The following CCNL2 variants were observed in gnomAD, a reference collection of about 807,000 sequenced individuals.
The protein encoded by CCNL2 is cyclin-L2.
Under a neutral mutation model 59.1 loss-of-function variants are expected in CCNL2, and 28 were observed. The ratio of observed to expected loss-of-function variants is 0.47; its 90% confidence interval spans 0.35 to 0.65. The LOEUF is 0.65. Ranked by LOEUF, CCNL2 falls within the 30% of genes least tolerant of loss-of-function variation. The pLI, the probability that CCNL2 is intolerant of heterozygous loss-of-function variation, is 0.00. For missense variants in CCNL2, 714 were observed against 717.4 expected, an observed-to-expected ratio of 1.00 and a Z score of 0.05; for synonymous variants, 342 against 288.6, an observed-to-expected ratio of 1.19 and a Z score of -1.88.
intron 5 of CCNL2, chr1:1,392,377 C>T (rs1165730064): frequency 8.4e-6 from 9 of 1,066,414 alleles, no homozygotes; most frequent in Non-Finnish European, 9.1e-6. Flanking sequence ...TTTACCAGAG[C>T]GTGTCATGCA....
At chr1:1,398,476 C>G in intron 2 of CCNL2, 121 bp downstream of exon 2, 10 of 1,570,034 alleles carry the variant, frequency 6.4e-6, no homozygotes, top group Non-Finnish European at 8.6e-6. Flanking sequence ...GAAACAGAAC[C>G]CTCCGGCACA....
intron 8 of CCNL2, among the ~76,000 whole-genome samples, chr1:1,389,663 G>A (rs1644657524): frequency 6.6e-6 from 1 of 152,046 alleles, no homozygotes; most frequent in East Asian, 1.9e-4. Context: ...AAAAGATAAA[G>A]AATTAGCTAA....
Position 1,386,934 on chromosome 1 carries a change from T to C in CCNL2, c.*297A>G. 2.8e-6 allele frequency: 1 copy of C among 357,016 alleles called. No homozygotes were observed. The highest frequency in any genetic ancestry group is 4.4e-5 in the East Asian group (1 of 22,968). The allele number at this position is 357,016 out of a possible 1,614,324, so 22.1% of individuals were successfully genotyped here. A position where few individuals can be genotyped will look rare whatever the true frequency, so the allele number is the denominator to read the frequency against. On this transcript the variant is annotated 3_prime_UTR_variant, in exon 11 of 11. Transcript: ENST00000400809. ...ATGCCAGGCCACGCCAACAAGGGCG[T>C]GTGCATTCACTTTTTCATTGAGCTG... is the stretch of plus-strand genomic sequence containing the variant.
intron 3 of CCNL2, among the ~76,000 whole-genome samples, chr1:1,397,597 GA>G (rs1157408352): frequency 6.6e-6 from 1 of 152,200 alleles, no homozygotes; most frequent in African/African-American, 2.4e-5. Flanking sequence ...TGCGGTGGCT[GA>G]AATCTGTAAT....
Position 1,387,478 on chromosome 1 carries a change from T to C in CCNL2, c.1316A>G (p.Lys439Arg). Residue 439 changes from lysine to arginine, a missense_variant, in exon 11 of 11, where the codon AAA (lysine) becomes AGA (arginine). Physicochemically the swap from Lys to Arg is conservative, Grantham distance 26. This residue lies in a region of CCNL2 where 403 missense variants were observed against 377.7 expected (regional missense o/e 1.07). Coordinates refer to ENST00000400809, the MANE Select transcript of CCNL2 (RefSeq NM_030937.6). ...CCGGGAGCCCCGAATCTCAGAGCCT[T>C]TGTAGGGAGCGCTGCGGGGGGCCTG... ...PRQAPRSAPY[K>R]GSEIRGSRKS... 6.2e-7 allele frequency: 1 copy of C among 1,610,002 alleles called. No homozygotes were observed. The highest frequency in any genetic ancestry group is 8.5e-7 in the Non-Finnish European group (1 of 1,178,366).
chr1:1,396,442 T>C (rs966773086), intron 3 of CCNL2, among the ~76,000 whole-genome samples: 7 of 151,572 alleles, frequency 4.6e-5, no homozygotes, highest in African/African-American at 1.7e-4. Context: ...AATTTTATAT[T>C]TGTAGTAGAG....
intron 4 of CCNL2, chr1:1,395,114 C>T: frequency 2.8e-6 from 1 of 353,988 alleles, no homozygotes; most frequent in Non-Finnish European, 5.1e-6. Context: ...AAAACATAAA[C>T]TAAAATTCAA....
Position 1,386,283 on chromosome 1 carries a change from G to A in CCNL2, c.*948C>T, listed in dbSNP as rs1181514875. ...AAAACTTCCCTCCTATGGCCCTGCA[G>A]GAAGGAGCCTGTCATCCTGATGGGC... is the stretch of plus-strand genomic sequence containing the variant. On this transcript the variant is annotated 3_prime_UTR_variant, in exon 11 of 11. Transcript: ENST00000400809. The A allele has an allele frequency of 1.3e-5, 2 of 152,266 alleles. No homozygotes were observed. Among genetic ancestry groups the A allele is most frequent in the African/African-American group, 2.4e-5 (1 of 41,476 alleles). The allele number at this position is 152,266 out of a possible 1,614,324, so 9.4% of individuals were successfully genotyped here. A position where few individuals can be genotyped will look rare whatever the true frequency, so the allele number is the denominator to read the frequency against.
Position 1,399,073 on chromosome 1 carries a change from G to A in CCNL2, c.234C>T (p.Arg78=), listed in dbSNP as rs553017360. The A allele has an allele frequency of 9.9e-6, 16 of 1,611,142 alleles. No individual in the cohort carries two copies. The African/African-American group carries it at 2.0e-4, about 20-fold the overall frequency. ...CCTGGATGAGCTCGCAGCCCACCAC[G>A]CGGAGGTCGGTCTCTGTGTCGGTGT... ...GLDTDTETDL[R]VVGCELIQAA... is the part of the protein sequence containing the mutation. Residue 78 remains arginine (R), a synonymous_variant, in exon 1 of 11, where the codon CGC becomes CGT. Coordinates refer to ENST00000400809, the MANE Select transcript of CCNL2 (RefSeq NM_030937.6).
intron 8 of CCNL2, among the ~76,000 whole-genome samples, chr1:1,389,719 G>C (rs1644660683): frequency 6.6e-6 from 1 of 152,112 alleles, no homozygotes; most frequent in East Asian, 1.9e-4. Flanking sequence ...CAGCACTTTG[G>C]GAGGCTGAGG....
At chr1:1,389,949 T>A (rs1481085940) in intron 8 of CCNL2, among the ~76,000 whole-genome samples, 1 of 151,880 alleles carries the variant, frequency 6.6e-6, no homozygotes, top group Non-Finnish European at 1.5e-5. Context: ...GGAGCAAGAC[T>A]CTGTCTCAAA....
In CCNL2 at chr1:1,387,138, C is replaced by T. The variant is rs1048097769; in HGVS notation, c.*93G>A. ...GGACCACTTGCGCTGAGAGCACACC[C>T]GGGGGTCAAAGGGCAGCCACCGGGG... is the stretch of plus-strand genomic sequence containing the variant. On this transcript the variant is annotated 3_prime_UTR_variant, in exon 11 of 11. Coordinates refer to ENST00000400809, the MANE Select transcript of CCNL2 (RefSeq NM_030937.6). 3.4e-5 allele frequency: 33 copies of T among 982,422 alleles called. No homozygotes were observed. Among genetic ancestry groups the T allele is most frequent in the African/African-American group, 8.0e-5 (5 of 62,192 alleles). 60.9% of individuals were successfully genotyped at this position (982,422 alleles called of 1,614,324 possible).
chr1:1,398,271 G>C lies in CCNL2; in HGVS notation c.435C>G (p.Ile145Met). Residue 145 changes from isoleucine to methionine, a missense_variant, in exon 3 of 11, where the codon ATC becomes ATG. Physicochemically the swap from Ile to Met is conservative, Grantham distance 10. This residue lies in a region of CCNL2 where 270 missense variants were observed against 254.9 expected (regional missense o/e 1.06). Coordinates refer to ENST00000400809, the MANE Select transcript of CCNL2 (RefSeq NM_030937.6). Reference protein sequence around the residue: ...EEAPRRIRDVINVFHRLRQLR... With the variant: ...EEAPRRIRDVMNVFHRLRQLR... ...GCTGTCGAAGGCGGTGAAACACATT[G>C]ATGACGTCCCGTATGCGTCTTGGGG... is the stretch of plus-strand genomic sequence containing the variant. 6.2e-7 allele frequency: 1 copy of C among 1,614,226 alleles called. No homozygotes were observed. The highest frequency in any genetic ancestry group is 8.5e-7 in the Non-Finnish European group (1 of 1,180,044).
At chr1:1,389,112 C>G (rs1368791904) in intron 8 of CCNL2, 2 of 160,980 alleles carry the variant, frequency 1.2e-5, no homozygotes, top group Non-Finnish European at 2.7e-5. Context: ...GTGGCTCATG[C>G]CTGTAATCCC....
At chr1:1,392,281 C>A in intron 5 of CCNL2, 2 of 950,424 alleles carry the variant, frequency 2.1e-6, no homozygotes, top group Non-Finnish European at 2.5e-6. Context: ...CAAATGAAAT[C>A]TTGAGAACAT....
At chr1:1,393,579 C>T (rs757252608) in intron 4 of CCNL2, 119 bp from the exon 5 acceptor site, 2 of 850,816 alleles carry the variant, frequency 2.4e-6, no homozygotes, top group South Asian at 1.5e-5. Flanking sequence ...TGGCTCCTGG[C>T]CACACGTCTG....
intron 5 of CCNL2, chr1:1,391,356 G>A: frequency 8.5e-7 from 1 of 1,169,620 alleles, no homozygotes; most frequent in Non-Finnish European, 1.1e-6. Flanking sequence ...CCATCCTCTT[G>A]GGTTCCTCTT....
At position 1,388,063 on chromosome 1, in the gene CCNL2, C is replaced by T. The variant is rs774277728; in HGVS notation, c.1009G>A (p.Glu337Lys). 10 of 1,611,568 alleles carry T rather than the reference C, an allele frequency of 6.2e-6. 1 individual carries two copies. The highest frequency in any genetic ancestry group is 1.6e-4 in the Middle Eastern group (1 of 6,074). Residue 337 changes from glutamate to lysine, a missense_variant and splice_region_variant, in exon 9 of 11, where the codon GAA (glutamate) becomes AAA (lysine). Transcript: ENST00000400809. ...SGFSPAPKLV[E>K]SPKEGKGSKP... Reference sequence around the variant, plus strand: ...CTCCCTTTACCTTCTTTGGGGGATTCCACTAGAATCAGAACAAGAGGTTAA... The same window carrying T: ...CTCCCTTTACCTTCTTTGGGGGATTTCACTAGAATCAGAACAAGAGGTTAA...
chr1:1,398,723 G>A, intron 1 of CCNL2, 52 bp from the exon 2 acceptor site: 1 of 1,524,706 alleles, frequency 6.6e-7, no homozygotes, highest in South Asian at 1.1e-5. Flanking sequence ...CAAAGCCTTC[G>A]CGGCCGAAAG....
Sources: allele counts gnomAD v4.1 joint callset (sites outside exome capture counted in the v4.1 genomes callset), GRCh38; gene constraint gnomAD v4.1.1; regional missense constraint gnomAD v4.1.1; transcripts MANE v1.5; gene names NCBI Gene and HGNC (gene_info 2026-07-23, HGNC 2026-07-21).